Variants in HDAC7 observed in about 807,000 individuals in gnomAD.
HDAC7 encodes histone deacetylase 7.
A neutral mutation model predicts 115.5 loss-of-function variants in HDAC7; 26 were observed. That is an observed-to-expected ratio of 0.23 (90% CI 0.16 to 0.31). The LOEUF (loss-of-function observed/expected upper bound fraction) is 0.31. Among genes scored for constraint, HDAC7 ranks in the 10% least tolerant of loss-of-function variants. The pLI, the probability that HDAC7 is intolerant of heterozygous loss-of-function variation, is 1.00. For missense variants in HDAC7, 1,068 were observed against 1,329.0 expected (o/e 0.80, Z 3.05); for synonymous variants, 564 against 550.9 (o/e 1.02, Z -0.33).
At position 47,798,932 on chromosome 12, in the gene HDAC7, C is replaced by T. The variant is rs372117523; in HGVS notation, c.111G>A (p.Pro37=). The change falls in exon 3 of 26, where the codon CCG becomes CCA. Residue 37 remains proline (P), a synonymous_variant. Coordinates refer to ENST00000080059, the MANE Select transcript of HDAC7 (RefSeq NM_015401.5). The surrounding 1 kb of genome is among the most constrained non-coding windows in gnomAD (Gnocchi z 4.3). The part of the protein sequence containing the change: ...RPCADTPGPQ[P]QPMDLRVGQR... ...GGCCCACCCGCAGGTCCATGGGCTG[C>T]GGCTGAGGGCCTGGTGTGTCTGCAC... The T allele has an allele frequency of 7.9e-6, 12 of 1,525,552 alleles. No homozygotes were observed. The highest frequency in any genetic ancestry group is 1.3e-5 in the South Asian group (1 of 79,292). The allele number at this position is 1,525,552 out of a possible 1,614,324, so 94.5% of individuals were successfully genotyped here.
chr12:47,820,719 A>C, upstream of HDAC7: 1 of 148,274 alleles, frequency 6.7e-6, no homozygotes. The surrounding 1 kb of genome is among the most constrained non-coding windows in gnomAD (Gnocchi z 4.3). Context: ...CTCCCTCCAC[A>C]ACCCCCCTCT....
intron 1 of HDAC7, among the ~76,000 whole-genome samples, chr12:47,815,596 T>G (rs1944827035): frequency 6.6e-6 from 1 of 152,200 alleles, no homozygotes; most frequent in South Asian, 2.1e-4. Context: ...CTAGTCAATC[T>G]GGAATGGGCC....
At position 47,819,788 on chromosome 12, in the gene HDAC7, AGGGGCC is replaced by A; in HGVS notation, c.-9_-4del. 1 of 523,980 alleles carries A rather than the reference AGGGGCC, an allele frequency of 1.9e-6. No individual in the cohort carries two copies. The highest frequency in any genetic ancestry group is 2.3e-6 in the Non-Finnish European group (1 of 438,734). 32.5% of individuals were successfully genotyped at this position (523,980 alleles called of 1,614,324 possible). The stretch of plus-strand genomic sequence containing the variant: ...TCACCAGCGCCGGGGCTGTGCATCC[AGGGGCC>A]GGGGCCCTCAGAGCGGGGGGCTCAT... On this transcript the variant is annotated 5_prime_UTR_variant, in exon 1 of 26. Coordinates refer to ENST00000080059, the MANE Select transcript of HDAC7 (RefSeq NM_015401.5).
In HDAC7 at chr12:47,795,944, G is replaced by A; in HGVS notation, c.868C>T (p.Leu290=). The part of the protein sequence containing the change: ...APFALPTVSL[L]PAITLGLPAP... ...GGCAGCCCCAGAGTGATTGCGGGCA[G>A]CAAGGACACTGTCGGCAAGGCGAAC... The change falls in exon 9 of 26, where the codon CTG becomes TTG. Residue 290 remains leucine (L), a synonymous_variant. Transcript: ENST00000080059. The surrounding 1 kb of genome is among the most constrained non-coding windows in gnomAD (Gnocchi z 4.3). 1 of 1,551,156 alleles carries A rather than the reference G, an allele frequency of 6.4e-7. No individual in the cohort carries two copies.
chr12:47,814,190 C>G (rs1478049730), intron 1 of HDAC7, among the ~76,000 whole-genome samples: 1 of 152,212 alleles, frequency 6.6e-6, no homozygotes, highest in Non-Finnish European at 1.5e-5. Flanking sequence ...AAAGGGCCAT[C>G]TGGGCTCAGG....
At position 47,793,293 on chromosome 12, in the gene HDAC7, A is replaced by C; in HGVS notation, c.1678+76T>G. 1 of 1,147,830 alleles carries C rather than the reference A, an allele frequency of 8.7e-7. No homozygotes were observed. Among genetic ancestry groups the C allele is most frequent in the Non-Finnish European group, 1.2e-6 (1 of 829,552 alleles). The allele number at this position is 1,147,830 out of a possible 1,614,324, so 71.1% of individuals were successfully genotyped here. On this transcript the variant is annotated intron_variant, in intron 13 of 25. Coordinates refer to ENST00000080059, the MANE Select transcript of HDAC7 (RefSeq NM_015401.5). This position sits in a 1 kb window ranked among gnomAD's most constrained non-coding sequence, Gnocchi z 4.5. ...CTCTGTGGCCTCTAAAAATGTCCCA[A>C]GTGACACCAAGACACCCACATGGAC...
At chr12:47,808,825 GTCCACACTACCCTA>G (rs1944521780) in intron 1 of HDAC7, among the ~76,000 whole-genome samples, 1 of 152,254 alleles carries the variant, frequency 6.6e-6, no homozygotes, top group East Asian at 1.9e-4. Flanking sequence ...GGCTCCCCTA[GTCCACACTACCCTA>G]AGATTTCTCA....
At position 47,791,570 on chromosome 12, in the gene HDAC7, G is replaced by T; in HGVS notation, c.1933+16C>A. 6.3e-7 allele frequency: 1 copy of T among 1,597,320 alleles called. No individual in the cohort carries two copies. The highest frequency in any genetic ancestry group is 2.3e-5 in the East Asian group (1 of 44,086). ...AGGTAAGCTGGCATGGGGAGACAGG[G>T]CCACTAGGCCATTACCTGCCAGCTT... On this transcript the variant is annotated intron_variant, in intron 15 of 25. Coordinates refer to ENST00000080059, the MANE Select transcript of HDAC7 (RefSeq NM_015401.5).
In HDAC7 at chr12:47,791,242, C is replaced by T. The variant is rs368266528; in HGVS notation, c.1983+17G>A. The T allele has an allele frequency of 6.3e-7, 1 of 1,592,824 alleles. No homozygotes were observed. Among genetic ancestry groups the T allele is most frequent in the Non-Finnish European group, 8.5e-7 (1 of 1,169,630 alleles). ...GAGCCCTGGCAACGCCCCCCTGAGA[C>T]CCCTGGGCACACTTACCCCAACCCC... On this transcript the variant is annotated intron_variant, in intron 16 of 25. Coordinates refer to ENST00000080059, the MANE Select transcript of HDAC7 (RefSeq NM_015401.5).
At chr12:47,808,271 T>C (rs937263341) in intron 1 of HDAC7, among the ~76,000 whole-genome samples, 17 of 152,240 alleles carry the variant, frequency 1.1e-4, no homozygotes, top group African/African-American at 4.1e-4. Context: ...CATGCGGCTG[T>C]TGTAAACAGC....
Position 47,795,351 on chromosome 12 carries a change from A to T in HDAC7, c.1117T>A (p.Phe373Ile). The change falls in exon 11 of 26, where the codon TTT becomes ATT. Residue 373 changes from phenylalanine (F) to isoleucine (I), a missense_variant. Around this residue, in one of 6 missense-constraint regions of HDAC7, gnomAD observed 618 missense variants for 701.5 expected, o/e 0.88. Coordinates refer to ENST00000080059, the MANE Select transcript of HDAC7 (RefSeq NM_015401.5). This position sits in a 1 kb window ranked among gnomAD's most constrained non-coding sequence, Gnocchi z 4.3. ...VPGLGPLPFHFAQSLMTTERL... is the reference protein window; with the variant it reads ...VPGLGPLPFHIAQSLMTTERL... ...TCGGTGGTCATTAAGGACTGGGCAAAGTGGAAGGGCAAGGGCCCAAGCCCG... is the reference window on the plus strand; with the variant it reads ...TCGGTGGTCATTAAGGACTGGGCAATGTGGAAGGGCAAGGGCCCAAGCCCG... The T allele has an allele frequency of 1.2e-6, 2 of 1,609,406 alleles. No individual in the cohort carries two copies. Among genetic ancestry groups the T allele is most frequent in the Middle Eastern group, 3.3e-4 (2 of 6,028 alleles).
In HDAC7 at chr12:47,793,017, C is replaced by T; in HGVS notation, c.1678+352G>A. 3.4e-6 allele frequency: 1 copy of T among 296,356 alleles called. No individual in the cohort carries two copies. Among genetic ancestry groups the T allele is most frequent in the Admixed American group, 4.7e-5 (1 of 21,144 alleles). The allele number at this position is 296,356 out of a possible 1,614,324, so 18.4% of individuals were successfully genotyped here. A position where few individuals can be genotyped will look rare whatever the true frequency, so the allele number is the denominator to read the frequency against. On this transcript the variant is annotated intron_variant, in intron 13 of 25. Coordinates refer to ENST00000080059, the MANE Select transcript of HDAC7 (RefSeq NM_015401.5). This position sits in a 1 kb window ranked among gnomAD's most constrained non-coding sequence, Gnocchi z 4.5. ...TCTTTTCTTCTTAGGTTTTTCTGTACTCTTCAAAATGTCTAAAATACTTCT... is the reference window on the plus strand; with the variant it reads ...TCTTTTCTTCTTAGGTTTTTCTGTATTCTTCAAAATGTCTAAAATACTTCT...
In HDAC7 at chr12:47,791,651, C is replaced by G. The variant is rs769080517; in HGVS notation, c.1868G>C (p.Arg623Pro). The G allele has an allele frequency of 6.2e-7, 1 of 1,613,258 alleles. No individual in the cohort carries two copies. ...LEELQSVHSE[R>P]HVLLYGTNPL... ...GTTGGTGCCGTAGAGGAGCACGTGC[C>G]GCTCAGAGTGGACCGACTGCAGCTC... is the stretch of plus-strand genomic sequence containing the variant. Residue 623 changes from arginine to proline, a missense_variant, in exon 15 of 26, where the codon CGG (arginine) becomes CCG (proline). Around this residue, in one of 6 missense-constraint regions of HDAC7, gnomAD observed 618 missense variants for 701.5 expected, o/e 0.88. Transcript: ENST00000080059.
Position 47,788,037 on chromosome 12 carries a change from G to A in HDAC7, c.2355+8C>T, listed in dbSNP as rs970899172. 6.2e-7 allele frequency: 1 copy of A among 1,607,698 alleles called. No individual in the cohort carries two copies. The highest frequency in any genetic ancestry group is 8.5e-7 in the Non-Finnish European group (1 of 1,176,518). ...AGGCTGGAAGATGTGGCCCTGACAT[G>A]CGGTTACCTCATCCACAGCCCCACT... is the stretch of plus-strand genomic sequence containing the variant. On this transcript the variant is annotated splice_region_variant and intron_variant, in intron 20 of 25. Transcript: ENST00000080059.
chr12:47,819,724 G>T, intron 1 of HDAC7, 43 bp downstream of exon 1: 1 of 667,708 alleles, frequency 1.5e-6, no homozygotes, highest in Non-Finnish European at 1.9e-6. Context: ...GACGCTGGGT[G>T]CCGCGCGCAG....
intron 1 of HDAC7, 75 bp downstream of exon 1, chr12:47,819,692 C>T (rs1037616237): frequency 3.6e-6 from 1 of 278,156 alleles, no homozygotes; most frequent in African/African-American, 2.3e-5. Flanking sequence ...GGGCCAGGGC[C>T]GGAGGCCGAG....
intron 16 of HDAC7, 167 bp downstream of exon 16, chr12:47,791,092 C>T: frequency 1.5e-6 from 1 of 689,426 alleles, no homozygotes; most frequent in South Asian, 1.7e-5. Flanking sequence ...CACGCCTGTC[C>T]AAAAGGAGCT....
At chr12:47,802,013 T>C (rs1238996997) in intron 2 of HDAC7, among the ~76,000 whole-genome samples, 1 of 152,146 alleles carries the variant, frequency 6.6e-6, no homozygotes, top group Admixed American at 6.5e-5. Flanking sequence ...CCTTTTCCTG[T>C]TGTGTTTCCT....
rs1420493328 is a variant in HDAC7 at position 47,783,712 on chromosome 12, C to T, written c.*129G>A. The T allele has an allele frequency of 3.4e-6, 3 of 892,462 alleles. No homozygotes were observed. In the African/African-American group the frequency reaches 5.0e-5, roughly 15 times the overall value. The allele number at this position is 892,462 out of a possible 1,614,324, so 55.3% of individuals were successfully genotyped here. The stretch of plus-strand genomic sequence containing the variant: ...TCCCTGGGATAACTGTCAAAGCAGG[C>T]AGGCTGTTCTCTGGTTCCAACTACT... On this transcript the variant is annotated 3_prime_UTR_variant, in exon 26 of 26. Coordinates refer to ENST00000080059, the MANE Select transcript of HDAC7 (RefSeq NM_015401.5).
Sources: gnomAD v4.1 joint callset for allele counts (sites outside exome capture counted in the v4.1 genomes callset) on GRCh38, gnomAD v4.1.1 for gene constraint, gnomAD v4.1.1 regional missense constraint, Gnocchi (gnomAD v3.1) non-coding constraint, MANE v1.5 for transcripts, NCBI Gene and HGNC (gene_info 2026-07-23, HGNC 2026-07-21) for gene names.